Variants in B4GALT5 observed in about 807,000 individuals in gnomAD.
B4GALT5 encodes the protein beta-1,4-galactosyltransferase 5.
Under a neutral mutation model 45.0 loss-of-function variants are expected in B4GALT5, and 11 were observed. The ratio of observed to expected loss-of-function variants is 0.24; its 90% CI spans 0.15 to 0.40. B4GALT5 has a LOEUF of 0.40. Among genes scored for constraint, B4GALT5 ranks in the 10% least tolerant of loss-of-function variants. The pLI is 1.00. For synonymous variants in B4GALT5, 185 were observed against 182.9 expected (o/e 1.01, Z -0.09); for missense variants, 337 against 500.2 (o/e 0.67, Z 3.11).
At chr20:49,685,804 CGTT>C (rs1220515949) in intron 1 of B4GALT5, among the ~76,000 whole-genome samples, 1 of 151,718 alleles carries the variant, frequency 6.6e-6, no homozygotes, top group Non-Finnish European at 1.5e-5. Flanking sequence ...AAAAACCTCA[CGTT>C]ATTAGACATT....
intron 1 of B4GALT5, among the ~76,000 whole-genome samples, chr20:49,697,032 T>C (rs1388326112): frequency 6.6e-6 from 1 of 152,276 alleles, no homozygotes; most frequent in Non-Finnish European, 1.5e-5. Flanking sequence ...GTTTAATTTG[T>C]GGCTACTGAG....
At chr20:49,689,413 C>T (rs2146353614) in intron 1 of B4GALT5, among the ~76,000 whole-genome samples, 1 of 152,328 alleles carries the variant, frequency 6.6e-6, no homozygotes, top group East Asian at 1.9e-4. Flanking sequence ...ACTACAATTT[C>T]ACAGATACAA....
rs952351060 is a variant in B4GALT5, at chr20:49,633,708, T to C, written c.*2604A>G. 3 of 152,264 alleles carry C rather than the reference T, an allele frequency of 2.0e-5. No homozygotes were observed. The highest frequency in any genetic ancestry group is 4.4e-5 in the Non-Finnish European group (3 of 68,046). The allele number at this position is 152,264 out of a possible 1,614,324, so 9.4% of individuals were successfully genotyped here. On this transcript the variant is annotated 3_prime_UTR_variant, in exon 9 of 9. Coordinates refer to ENST00000371711, the MANE Select transcript of B4GALT5 (RefSeq NM_004776.4). ...GTGTTAGCCTTTTGCCAACAGTGTG[T>C]ACTTGATGGTAATTATGGCAACATA...
At chr20:49,670,174 C>T (rs375446359) in intron 1 of B4GALT5, among the ~76,000 whole-genome samples, 3 of 152,214 alleles carry the variant, frequency 2.0e-5, no homozygotes, top group African/African-American at 7.2e-5. Flanking sequence ...GAATCTTACA[C>T]ATCTTTAAAA....
intron 1 of B4GALT5, among the ~76,000 whole-genome samples, chr20:49,667,081 G>A (rs1352502129): frequency 6.6e-6 from 1 of 152,172 alleles, no homozygotes; most frequent in African/African-American, 2.4e-5. Context: ...TGACCATGTG[G>A]AGCCAAGATT....
At chr20:49,702,541 T>C (rs543277909) in intron 1 of B4GALT5, among the ~76,000 whole-genome samples, 1 of 152,222 alleles carries the variant, frequency 6.6e-6, no homozygotes, top group African/African-American at 2.4e-5. Context: ...AAAGGTTTAA[T>C]ATTATTCAGA....
At chr20:49,686,938 C>T (rs1490898858) in intron 1 of B4GALT5, among the ~76,000 whole-genome samples, 1 of 151,950 alleles carries the variant, frequency 6.6e-6, no homozygotes, top group Non-Finnish European at 1.5e-5. Context: ...GCATATAGTC[C>T]AATGGTCAGA....
intron 3 of B4GALT5, 96 bp from the exon 4 acceptor site, chr20:49,643,746 A>G: frequency 7.2e-7 from 1 of 1,384,906 alleles, no homozygotes; most frequent in Admixed American, 2.3e-5. Flanking sequence ...ATGCTTTTTC[A>G]GCTGAATTTG....
At chr20:49,653,464 G>A (rs1347630054) in intron 2 of B4GALT5, among the ~76,000 whole-genome samples, 2 of 152,192 alleles carry the variant, frequency 1.3e-5, no homozygotes, top group African/African-American at 4.8e-5. Flanking sequence ...CTTCCTATGT[G>A]CGAGGCAGTG....
At chr20:49,668,111 G>A (rs2085699805) in intron 1 of B4GALT5, among the ~76,000 whole-genome samples, 1 of 151,898 alleles carries the variant, frequency 6.6e-6, no homozygotes. Flanking sequence ...AAAATATTTT[G>A]GGGGAAAAAT....
chr20:49,669,872 G>A (rs377714248), intron 1 of B4GALT5, among the ~76,000 whole-genome samples: 5 of 100,706 alleles, frequency 5.0e-5, no homozygotes, highest in Non-Finnish European at 1.0e-4. Context: ...GCTGGTGTTC[G>A]TGCAGACTGG....
At chr20:49,650,683 CT>C (rs1023267776) in intron 2 of B4GALT5, among the ~76,000 whole-genome samples, 2 of 152,028 alleles carry the variant, frequency 1.3e-5, no homozygotes, top group African/African-American at 4.8e-5. Context: ...CAATAGAGGC[CT>C]TTTAAAATGA....
At chr20:49,683,178 T>C (rs573120783) in intron 1 of B4GALT5, among the ~76,000 whole-genome samples, 69 of 152,260 alleles carry the variant, frequency 4.5e-4, no homozygotes, top group African/African-American at 1.6e-3. Context: ...AAAAGTTAAA[T>C]AATAAAAGTT....
intron 1 of B4GALT5, among the ~76,000 whole-genome samples, chr20:49,686,850 A>C (rs2085788005): frequency 6.6e-6 from 1 of 151,658 alleles, no homozygotes; most frequent in Admixed American, 6.6e-5. Context: ...AATGAGCTAT[A>C]ATTATGCCTC....
intron 1 of B4GALT5, among the ~76,000 whole-genome samples, chr20:49,666,747 C>T (rs2085692310): frequency 6.6e-6 from 1 of 152,204 alleles, no homozygotes. Context: ...TTCTGCCATG[C>T]TAGAGTATCT....
intron 1 of B4GALT5, among the ~76,000 whole-genome samples, chr20:49,712,650 G>A (rs1429448440): frequency 6.6e-6 from 1 of 152,082 alleles, no homozygotes; most frequent in African/African-American, 2.4e-5. Flanking sequence ...TTTGTCCGCA[G>A]AGCAGGCACT....
intron 2 of B4GALT5, among the ~76,000 whole-genome samples, chr20:49,655,093 T>C (rs536547678): frequency 8.8e-4 from 134 of 151,564 alleles, no homozygotes; most frequent in African/African-American, 2.9e-3. Flanking sequence ...ATCATGCCAT[T>C]GCACTCCAGC....
chr20:49,688,158 G>C (rs909109352), intron 1 of B4GALT5, among the ~76,000 whole-genome samples: 1 of 152,204 alleles, frequency 6.6e-6, no homozygotes, highest in Admixed American at 6.5e-5. Flanking sequence ...AAGAAAAATA[G>C]AGACAAGGGC....
At chr20:49,658,698 C>T (rs1302040905) in intron 1 of B4GALT5, among the ~76,000 whole-genome samples, 2 of 152,078 alleles carry the variant, frequency 1.3e-5, no homozygotes, top group Non-Finnish European at 2.9e-5. Context: ...TCCCACCCAT[C>T]CCCCAGAGTG....
Sources: gnomAD v4.1 joint callset for allele counts (sites outside exome capture counted in the v4.1 genomes callset) on GRCh38, gnomAD v4.1.1 for gene constraint, MANE v1.5 for transcripts, NCBI Gene and HGNC (gene_info 2026-07-23, HGNC 2026-07-21) for gene names.